The following CTPS1 variants were observed in gnomAD, a reference collection of about 807,000 sequenced individuals.
The protein encoded by CTPS1 is CTP synthetase 1.
CTPS1 carries 25 observed loss-of-function variants against 80.5 expected under a neutral mutation model. The ratio of observed to expected loss-of-function variants is 0.31; its 90% CI spans 0.23 to 0.43. The LOEUF (loss-of-function observed/expected upper bound fraction) is 0.43, where lower values mean the gene tolerates loss of function less well. Among genes scored for constraint, CTPS1 ranks in the 20% least tolerant of loss-of-function variants. The pLI, the probability that CTPS1 is intolerant of heterozygous loss-of-function variation, is 1.00. For synonymous variants in CTPS1, 267 were observed against 252.5 expected, an observed-to-expected ratio of 1.06 and a Z score of -0.54; for missense variants, 442 against 725.7, an observed-to-expected ratio of 0.61 and a Z score of 4.49.
intron 12 of CTPS1, among the ~76,000 whole-genome samples, chr1:41,003,554 AACCTT>A (rs1642959953): frequency 6.6e-6 from 1 of 152,224 alleles, no homozygotes; most frequent in African/African-American, 2.4e-5. Context: ...CTCAGATTCC[AACCTT>A]ACCGCTTATG....
chr1:40,988,999 T>C (rs1570947925), intron 5 of CTPS1, among the ~76,000 whole-genome samples: 1 of 152,264 alleles, frequency 6.6e-6, no homozygotes, highest in South Asian at 2.1e-4. Context: ...TAAAGACAAA[T>C]CTTGTGGAGA....
intron 12 of CTPS1, 132 bp from the exon 13 acceptor site, chr1:41,005,919 A>T (rs1044776650): frequency 7.0e-5 from 50 of 717,902 alleles, no homozygotes; most frequent in Non-Finnish European, 1.1e-4. Context: ...GGTCAGGGGG[A>T]TGCTATCTTT....
At chr1:41,003,455 G>A (rs1302660236) in intron 12 of CTPS1, among the ~76,000 whole-genome samples, 1 of 152,210 alleles carries the variant, frequency 6.6e-6, no homozygotes, top group Admixed American at 6.5e-5. Flanking sequence ...CCACCATCCT[G>A]AAGCTGGTGC....
chr1:41,011,592 G>A (rs930116901), intron 18 of CTPS1, 66 bp from the exon 19 acceptor site: 2 of 152,084 alleles, frequency 1.3e-5, no homozygotes, highest in African/African-American at 4.8e-5. Context: ...CAGCTGACTA[G>A]AAATTCTAAC....
chr1:41,004,330 T>G (rs1423371526), intron 12 of CTPS1: 1 of 152,288 alleles, frequency 6.6e-6, no homozygotes, highest in African/African-American at 2.4e-5. Context: ...TCATTCACCC[T>G]TTCCCTGAGA....
chr1:41,008,437 T>G (rs1643089059), intron 14 of CTPS1, among the ~76,000 whole-genome samples: 1 of 152,194 alleles, frequency 6.6e-6, no homozygotes, highest in Non-Finnish European at 1.5e-5. Context: ...GAGTCTTGTT[T>G]CTGTTACAGC....
At chr1:41,000,602 C>G (rs1206051648) in intron 9 of CTPS1, among the ~76,000 whole-genome samples, 2 of 151,954 alleles carry the variant, frequency 1.3e-5, no homozygotes, top group Non-Finnish European at 1.5e-5. Context: ...AAAGTATGCA[C>G]TTAAAATGCT....
intron 18 of CTPS1, among the ~76,000 whole-genome samples, chr1:41,010,990 G>A (rs61015673): frequency 0.05 from 7,597 of 152,252 alleles, 631 homozygotes; most frequent in African/African-American, 0.17. Context: ...AAGAACCAGG[G>A]GTATGGGTGT....
intron 1 of CTPS1, 32 bp downstream of exon 1, chr1:40,979,861 C>G (rs1243212806): frequency 6.6e-6 from 1 of 152,206 alleles, no homozygotes; most frequent in African/African-American, 2.4e-5. Context: ...CGGGGGGGAT[C>G]TGTTCTCCCG....
intron 9 of CTPS1, among the ~76,000 whole-genome samples, chr1:40,998,887 G>A (rs1339761437): frequency 1.3e-5 from 2 of 152,200 alleles, no homozygotes; most frequent in Admixed American, 6.5e-5. Context: ...TGTTGTACGA[G>A]TTTTAAGAAT....
intron 3 of CTPS1, among the ~76,000 whole-genome samples, chr1:40,986,112 G>A (rs1022973326): frequency 1.3e-5 from 2 of 152,256 alleles, no homozygotes; most frequent in African/African-American, 4.8e-5. Flanking sequence ...TGCCCACATG[G>A]AGGTTACCTG....
intron 1 of CTPS1, among the ~76,000 whole-genome samples, chr1:40,982,268 A>C (rs187057778): frequency 2.0e-3 from 306 of 152,212 alleles, no homozygotes; most frequent in Non-Finnish European, 2.1e-3. Flanking sequence ...TCTGCCCGTC[A>C]TGTGCTTCAG....
At chr1:40,980,284 C>A (rs1651815273) in intron 1 of CTPS1, 1 of 151,974 alleles carries the variant, frequency 6.6e-6, no homozygotes, top group Non-Finnish European at 1.5e-5. Context: ...GGGCCTCGGG[C>A]CTCCGGCCTC....
intron 4 of CTPS1, 90 bp from the exon 5 acceptor site, chr1:40,988,504 C>A: frequency 1.2e-6 from 1 of 816,156 alleles, no homozygotes. Flanking sequence ...ATTACTGATA[C>A]TGAATCAGGA....
chr1:40,982,268 A>G (rs187057778), intron 1 of CTPS1, among the ~76,000 whole-genome samples: 2 of 152,094 alleles, frequency 1.3e-5, no homozygotes, highest in African/African-American at 4.8e-5. Flanking sequence ...TCTGCCCGTC[A>G]TGTGCTTCAG....
chr1:40,984,186 ATC>A lies in CTPS1; in HGVS notation c.167-629_167-628del, dbSNP rs77649698. 3.2e-4 allele frequency among the ~76,000 whole-genome samples: 49 copies of A among 152,336 alleles called. 1 individual carries two copies. In the East Asian group the frequency reaches 8.3e-3, roughly 26 times the overall value. On this transcript the variant is annotated intron_variant, in intron 2 of 18. Coordinates refer to ENST00000650070, the MANE Select transcript of CTPS1 (RefSeq NM_001905.4). ...AGAATTCTTGAGCAGAGGATGAGTT[ATC>A]TCTCTGAGGGAGAAAATGAGACTTT...
intron 12 of CTPS1, among the ~76,000 whole-genome samples, chr1:41,005,360 C>G (rs551691163): frequency 6.6e-6 from 1 of 152,184 alleles, no homozygotes; most frequent in African/African-American, 2.4e-5. Flanking sequence ...AGGAGAATCG[C>G]TTGAGACCTG....
chr1:40,988,276 T>C (rs1199080998), intron 4 of CTPS1, among the ~76,000 whole-genome samples: 2 of 147,242 alleles, frequency 1.4e-5, no homozygotes, highest in Non-Finnish European at 3.0e-5. Context: ...ATTTAGGTTT[T>C]TCTTTTTTTT....
At chr1:40,979,996 A>G (rs903079643) in intron 1 of CTPS1, 167 bp downstream of exon 1, 4 of 151,578 alleles carry the variant, frequency 2.6e-5, no homozygotes, top group African/African-American at 9.7e-5. Flanking sequence ...TGTGTGCCTA[A>G]CGGGAGTGGG....
Sources: gnomAD v4.1 joint callset for allele counts (sites outside exome capture counted in the v4.1 genomes callset) on GRCh38, gnomAD v4.1.1 for gene constraint, MANE v1.5 for transcripts, NCBI Gene and HGNC (gene_info 2026-07-23, HGNC 2026-07-21) for gene names.